Variants in YBX1 observed in about 807,000 individuals in gnomAD.
YBX1 encodes the protein Y-box-binding protein 1.
Under a neutral mutation model 41.4 loss-of-function variants are expected in YBX1, and 3 were observed. The ratio of observed to expected loss-of-function variants is 0.07; its 90% CI spans 0.03 to 0.19. The LOEUF is 0.19. Ranked by LOEUF, YBX1 falls within the 10% of genes least tolerant of loss-of-function variation. The pLI, the probability that YBX1 is intolerant of heterozygous loss-of-function variation, is 1.00. For synonymous variants in YBX1, 133 were observed against 165.8 expected (o/e 0.80, Z 1.52); for missense variants, 274 against 462.8 (o/e 0.59, Z 3.74).
chr1:42,700,616 C>CG (rs1557535946), intron 6 of YBX1, among the ~76,000 whole-genome samples, 165 bp from the exon 7 acceptor site: 2 of 130,428 alleles, frequency 1.5e-5, no homozygotes, highest in Non-Finnish European at 1.6e-5. Context: ...GCATCCCCCC[C>CG]CCCCCAAAAA....
intron 6 of YBX1, among the ~76,000 whole-genome samples, chr1:42,700,501 A>C (rs1650567605): frequency 6.6e-6 from 1 of 150,946 alleles, no homozygotes. Flanking sequence ...CAGGAGTCTG[A>C]GGTGGGAAGA....
chr1:42,688,827 A>G (rs1650262039), intron 2 of YBX1, among the ~76,000 whole-genome samples: 1 of 152,238 alleles, frequency 6.6e-6, no homozygotes, highest in African/African-American at 2.4e-5. Flanking sequence ...TACCGTATCG[A>G]TAAGTGCAGT....
At position 42,696,098 on chromosome 1, in the gene YBX1, G is replaced by A. The variant is rs776027747; in HGVS notation, c.265-101G>A. 5.4e-5 allele frequency: 56 copies of A among 1,028,058 alleles called. No individual in the cohort carries two copies. The highest frequency in any genetic ancestry group is 7.6e-5 in the Non-Finnish European group (54 of 715,160). 63.7% of individuals were successfully genotyped at this position (1,028,058 alleles called of 1,614,324 possible). ...TGGTCTTATTTAAAGCAAATCTTAAGTGTATATCCAAGCTAAAATAATATT... is the reference window on the plus strand; with the variant it reads ...TGGTCTTATTTAAAGCAAATCTTAAATGTATATCCAAGCTAAAATAATATT... On this transcript the variant is annotated intron_variant, in intron 3 of 7. Transcript: ENST00000321358. This position sits in a 1 kb window ranked among gnomAD's most constrained non-coding sequence, Gnocchi z 5.7.
chr1:42,700,609 TCC>T (rs5773785), intron 6 of YBX1, among the ~76,000 whole-genome samples, 170 bp from the exon 7 acceptor site: 2 of 48,212 alleles, frequency 4.1e-5, no homozygotes, highest in African/African-American at 9.6e-5. Flanking sequence ...CTACTCAGCA[TCC>T]CCCCCCCCCC....
intron 2 of YBX1, among the ~76,000 whole-genome samples, chr1:42,686,046 T>C (rs957129111): frequency 6.6e-6 from 1 of 152,218 alleles, no homozygotes; most frequent in Non-Finnish European, 1.5e-5. Context: ...AATCGGAGAA[T>C]GTGACTAGAG....
chr1:42,694,223 A>G (rs1650406549), intron 3 of YBX1, among the ~76,000 whole-genome samples: 1 of 152,216 alleles, frequency 6.6e-6, no homozygotes, highest in Non-Finnish European at 1.5e-5. Context: ...AGTACTGCAT[A>G]GTGAACTTTC....
intron 1 of YBX1, 179 bp downstream of exon 1, chr1:42,682,910 G>T (rs942617543): frequency 6.1e-4 from 115 of 189,344 alleles, no homozygotes; most frequent in Non-Finnish European, 1.0e-3. Flanking sequence ...CGGCAGGCGC[G>T]CGCGCACTGC....
chr1:42,687,914 A>C (rs369295201), intron 2 of YBX1, among the ~76,000 whole-genome samples: 3 of 152,294 alleles, frequency 2.0e-5, no homozygotes, highest in Admixed American at 6.5e-5. Flanking sequence ...AGGTTTAAAG[A>C]CTTTTCTGCA....
chr1:42,689,374 C>T (rs1650274499), intron 2 of YBX1, among the ~76,000 whole-genome samples: 1 of 152,062 alleles, frequency 6.6e-6, no homozygotes, highest in African/African-American at 2.4e-5. Flanking sequence ...TTTTTATAAC[C>T]ACAGGATTGT....
rs766920525 is a variant in YBX1 at position 42,700,791 on chromosome 1, C to T, written c.751C>T (p.Arg251Cys). 1.3e-5 allele frequency: 21 copies of T among 1,610,788 alleles called. No individual in the cohort carries two copies. Among genetic ancestry groups the T allele is most frequent in the East Asian group, 2.2e-5 (1 of 44,842 alleles). The change falls in exon 7 of 8, where the codon CGC becomes TGC. Residue 251 changes from arginine to cysteine, a missense_variant. Arg to Cys is a radical substitution (Grantham distance 180, BLOSUM62 -3). This residue lies in a region of YBX1 where 187 missense variants were observed against 306.3 expected (regional missense o/e 0.61). Coordinates refer to ENST00000321358, the MANE Select transcript of YBX1 (RefSeq NM_004559.5). ...YRPRFRRGPP[R>C]QRQPREDGNE... The stretch of plus-strand genomic sequence containing the variant: ...CACCGTTCATTGCAGGGGCCCTCCT[C>T]GCCAAAGACAGCCTAGAGAGGACGG...
chr1:42,691,896 CTG>C (rs1286661250), intron 2 of YBX1, among the ~76,000 whole-genome samples: 2 of 152,020 alleles, frequency 1.3e-5, no homozygotes, highest in Non-Finnish European at 2.9e-5. Flanking sequence ...GAATCTCACT[CTG>C]TTGCCCAGGC....
intron 6 of YBX1, among the ~76,000 whole-genome samples, chr1:42,699,044 G>A (rs1029741014): frequency 6.6e-6 from 1 of 151,990 alleles, no homozygotes; most frequent in Non-Finnish European, 1.5e-5. Flanking sequence ...GAAAATGGGG[G>A]GTCAAAAAGG....
rs768049257 is a variant in YBX1 at position 42,683,416 on chromosome 1, G to A, written c.180G>A (p.Leu60=). 2.5e-6 allele frequency: 4 copies of A among 1,614,196 alleles called. No homozygotes were observed. The highest frequency in any genetic ancestry group is 3.4e-6 in the Non-Finnish European group (4 of 1,180,028). The change falls in exon 2 of 8, where the codon TTG becomes TTA. Residue 60 remains leucine (L), a synonymous_variant. Transcript: ENST00000321358. ...GDKKVIATKV[L]GTVKWFNVRN... ...TTTCTTTTCCAGCAACGAAGGTTTT[G>A]GGAACAGTAAAATGGTTCAATGTAA...
chr1:42,700,069 C>T (rs1044476801), intron 6 of YBX1, among the ~76,000 whole-genome samples: 1 of 152,194 alleles, frequency 6.6e-6, no homozygotes, highest in Non-Finnish European at 1.5e-5. Flanking sequence ...AAGGTTAGAA[C>T]AGTCACCACT....
intron 2 of YBX1, 111 bp from the exon 3 acceptor site, chr1:42,693,379 C>T: frequency 7.6e-7 from 1 of 1,310,104 alleles, no homozygotes; most frequent in Non-Finnish European, 1.1e-6. Context: ...TGATTTTTGC[C>T]AAATTTCCTG....
At chr1:42,682,924 C>CCG (rs1650076946) in intron 1 of YBX1, 193 bp downstream of exon 1, 1 of 168,618 alleles carries the variant, frequency 5.9e-6, no homozygotes, top group Non-Finnish European at 1.2e-5. Context: ...GCACTGCCTC[C>CCG]CGCGCCCCCT....
rs553186100 is a variant in YBX1, at chr1:42,683,508, T to G, written c.230+42T>G. ...TGAAGCCTCCATCCCACCTTCTTGC[T>G]TGCTTCCTGCTCTGTCGGCTTCTCG... is the stretch of plus-strand genomic sequence containing the variant. On this transcript the variant is annotated intron_variant, in intron 2 of 7. Coordinates refer to ENST00000321358, the MANE Select transcript of YBX1 (RefSeq NM_004559.5). 4.6e-5 allele frequency: 74 copies of G among 1,610,902 alleles called. No homozygotes were observed. The Admixed American group carries it at 1.2e-3, about 25-fold the overall frequency.
intron 2 of YBX1, among the ~76,000 whole-genome samples, chr1:42,683,956 A>G (rs1650127775): frequency 6.6e-6 from 1 of 152,114 alleles, no homozygotes; most frequent in South Asian, 2.1e-4. Flanking sequence ...TTCACGTTTC[A>G]TTTTAATACC....
chr1:42,692,638 A>G (rs947127757), intron 2 of YBX1, among the ~76,000 whole-genome samples: 1 of 152,166 alleles, frequency 6.6e-6, no homozygotes, highest in African/African-American at 2.4e-5. Context: ...TCCCTTTGTC[A>G]TTAAACGCTA....
Sources: allele counts gnomAD v4.1 joint callset (sites outside exome capture counted in the v4.1 genomes callset), GRCh38; gene constraint gnomAD v4.1.1; regional missense constraint gnomAD v4.1.1; non-coding constraint Gnocchi (gnomAD v3.1); transcripts MANE v1.5; gene names NCBI Gene and HGNC (gene_info 2026-07-23, HGNC 2026-07-21).